RBPJ: variants seen among roughly 807,000 people sequenced by gnomAD.
RBPJ encodes recombining binding protein suppressor of hairless.
In RBPJ, 9 loss-of-function variants were observed where a neutral mutation model predicts 67.8. The observed-to-expected ratio is 0.13, with a 90% CI of 0.08 to 0.23. RBPJ has a LOEUF of 0.23. Ranked by LOEUF, RBPJ falls within the 10% of genes least tolerant of loss-of-function variation. The pLI, the probability that RBPJ is intolerant of heterozygous loss-of-function variation, is 1.00. For synonymous variants in RBPJ, 198 were observed against 203.3 expected, an observed-to-expected ratio of 0.97 and a Z score of 0.22; for missense variants, 305 against 595.6, an observed-to-expected ratio of 0.51 and a Z score of 5.08.
intron 1 of RBPJ, among the ~76,000 whole-genome samples, chr4:26,313,959 A>G (rs577598080): frequency 1.9e-4 from 29 of 152,086 alleles, no homozygotes; most frequent in Non-Finnish European, 2.9e-5. Flanking sequence ...TATGTTTTAT[A>G]TTTATAGGAA....
intron 2 of RBPJ, among the ~76,000 whole-genome samples, chr4:26,394,946 T>C (rs577603904): frequency 6.6e-6 from 1 of 152,338 alleles, no homozygotes; most frequent in Admixed American, 6.5e-5. Flanking sequence ...TATTTTGTAG[T>C]GTTCTCTCAC....
At chr4:26,240,024 G>A (rs1228325096) in intron 1 of RBPJ, among the ~76,000 whole-genome samples, 4 of 152,148 alleles carry the variant, frequency 2.6e-5, no homozygotes, top group Non-Finnish European at 4.4e-5. Context: ...CCAGCACCCC[G>A]TCCTCTGAGC....
chr4:26,262,334 T>C (rs1233573929), intron 1 of RBPJ, among the ~76,000 whole-genome samples: 2 of 152,222 alleles, frequency 1.3e-5, no homozygotes, highest in Non-Finnish European at 2.9e-5. Context: ...CTCAGCCTCC[T>C]GAGTAGCTCA....
intron 1 of RBPJ, among the ~76,000 whole-genome samples, chr4:26,280,028 C>T (rs1721212832): frequency 6.6e-6 from 1 of 151,292 alleles, no homozygotes; most frequent in South Asian, 2.1e-4. Context: ...CTTAAGAAAT[C>T]CACCCACTTT....
chr4:26,155,636 T>C, the RBPJ span, among the ~76,000 whole-genome samples: 1 of 152,146 alleles, frequency 6.6e-6, no homozygotes, highest in African/African-American at 2.4e-5. Context: ...GGTTTTGCCA[T>C]GTTGGCCAGG....
the RBPJ span, among the ~76,000 whole-genome samples, chr4:26,141,897 C>T: frequency 6.6e-6 from 1 of 152,170 alleles, no homozygotes; most frequent in Non-Finnish European, 1.5e-5. Flanking sequence ...CCAAAAGAAG[C>T]AATCAAAAAC....
intron 1 of RBPJ, among the ~76,000 whole-genome samples, chr4:26,256,624 G>GA (rs1213076887): frequency 6.6e-6 from 1 of 152,160 alleles, no homozygotes; most frequent in African/African-American, 2.4e-5. Context: ...CAGAACCTGT[G>GA]AAAAATGGTC....
At chr4:26,269,917 G>A (rs973865993) in intron 1 of RBPJ, among the ~76,000 whole-genome samples, 1 of 152,094 alleles carries the variant, frequency 6.6e-6, no homozygotes, top group Admixed American at 6.5e-5. Flanking sequence ...AACACACTTA[G>A]GAAAGAGTTA....
At chr4:26,334,364 CTT>C (rs201009666) in intron 1 of RBPJ, among the ~76,000 whole-genome samples, 1 of 147,280 alleles carries the variant, frequency 6.8e-6, no homozygotes, top group African/African-American at 2.5e-5. Context: ...TTTGTATTTT[CTT>C]TTTTTTTTTC....
At chr4:26,393,126 TG>T (rs1162565490) in intron 2 of RBPJ, among the ~76,000 whole-genome samples, 60 of 151,390 alleles carry the variant, frequency 4.0e-4, no homozygotes, top group Admixed American at 3.9e-3. Flanking sequence ...GGATTACAGG[TG>T]TGAGCCACCA....
chr4:26,410,038 A>C (rs990632236), intron 3 of RBPJ: 1 of 455,120 alleles, frequency 2.2e-6, no homozygotes, highest in Admixed American at 2.4e-5. Context: ...TTTTTAAAAA[A>C]CAGGTGTTAG....
At chr4:26,249,276 A>G (rs1156290506) in intron 1 of RBPJ, among the ~76,000 whole-genome samples, 2 of 152,194 alleles carry the variant, frequency 1.3e-5, no homozygotes, top group East Asian at 3.8e-4. Context: ...ACACAGCTCC[A>G]TAAATTATTA....
chr4:26,156,000 G>C, the RBPJ span, among the ~76,000 whole-genome samples: 1 of 152,200 alleles, frequency 6.6e-6, no homozygotes, highest in Admixed American at 6.5e-5. Context: ...GGCAGTGACA[G>C]TGCCCATAGA....
chr4:26,231,887 T>A (rs1333537539), intron 1 of RBPJ, among the ~76,000 whole-genome samples: 8 of 150,946 alleles, frequency 5.3e-5, no homozygotes, highest in Admixed American at 1.3e-4. Flanking sequence ...TTTTATTTAT[T>A]TTTATTTATT....
chr4:26,398,774 C>T (rs529830280), intron 2 of RBPJ, among the ~76,000 whole-genome samples: 42 of 152,160 alleles, frequency 2.8e-4, no homozygotes, highest in African/African-American at 8.4e-4. Context: ...CCACCACACC[C>T]GGGTAATTTT....
the RBPJ span, among the ~76,000 whole-genome samples, chr4:26,107,150 C>T: frequency 6.6e-6 from 1 of 152,098 alleles, no homozygotes; most frequent in Non-Finnish European, 1.5e-5. Flanking sequence ...CTGGGCAATC[C>T]CAAGTACTTC....
intron 1 of RBPJ, among the ~76,000 whole-genome samples, chr4:26,285,921 G>A (rs79501765): frequency 0.012 from 1,775 of 148,008 alleles, 18 homozygotes; most frequent in Non-Finnish European, 0.018. Context: ...ACCAGCCTGG[G>A]CAACATAGGG....
intron 1 of RBPJ, among the ~76,000 whole-genome samples, chr4:26,198,147 G>A (rs945449663): frequency 2.0e-5 from 3 of 152,060 alleles, no homozygotes; most frequent in African/African-American, 4.8e-5. Flanking sequence ...CCAGCTACTC[G>A]GGAGGCTGAG....
chr4:26,223,025 T>G (rs912163504), intron 1 of RBPJ, among the ~76,000 whole-genome samples: 1 of 151,310 alleles, frequency 6.6e-6, no homozygotes, highest in Admixed American at 6.6e-5. Flanking sequence ...TGTGGTGGTG[T>G]GCACCTGTAA....
Sources: allele counts gnomAD v4.1 joint callset (sites outside exome capture counted in the v4.1 genomes callset), GRCh38; gene constraint gnomAD v4.1.1; transcripts MANE v1.5; gene names NCBI Gene and HGNC (gene_info 2026-07-23, HGNC 2026-07-21).